Variants in ZNF320 observed in about 807,000 individuals in gnomAD.
The protein encoded by ZNF320 is zinc finger gene 320.
ZNF320 carries 2 observed loss-of-function variants against 6.8 expected under a neutral mutation model. The observed-to-expected ratio is 0.29, with a 90% CI of 0.12 to 0.93. The LOEUF (loss-of-function observed/expected upper bound fraction) is 0.93. Ranked by LOEUF, ZNF320 falls within the 40% of genes least tolerant of loss-of-function variation. ZNF320 has a pLI of 0.55. For missense variants in ZNF320, 472 were observed against 611.0 expected (o/e 0.77, Z 2.40); for synonymous variants, 208 against 203.2 (o/e 1.02, Z -0.20).
intron 5 of ZNF320, among the ~76,000 whole-genome samples, chr19:52,868,692 G>A (rs2063624689): frequency 6.6e-6 from 1 of 152,096 alleles, no homozygotes; most frequent in African/African-American, 2.4e-5. Flanking sequence ...CACCAAGAAA[G>A]TACAGAAAAC....
chr19:52,865,725 T>A (rs1187658027), intron 5 of ZNF320, among the ~76,000 whole-genome samples: 1 of 110,694 alleles, frequency 9.0e-6, no homozygotes, highest in African/African-American at 3.9e-5. Context: ...ATACACATAT[T>A]TATATATATG....
intron 5 of ZNF320, among the ~76,000 whole-genome samples, chr19:52,882,950 A>G (rs1327974413): frequency 1.3e-5 from 2 of 152,188 alleles, no homozygotes; most frequent in African/African-American, 4.8e-5. Flanking sequence ...CAAAAAAAAA[A>G]GAAAATGTTA....
intron 1 of ZNF320, among the ~76,000 whole-genome samples, chr19:52,896,915 T>C (rs28540338): frequency 0.62 from 94,803 of 152,104 alleles, 30,081 homozygotes; most frequent in African/African-American, 0.73. Context: ...GGAGTGGCCA[T>C]GGCCAAGCAC....
intron 5 of ZNF320, chr19:52,883,687 C>G (rs1273872861): frequency 6.8e-6 from 3 of 442,990 alleles, no homozygotes; most frequent in Non-Finnish European, 1.4e-5. Flanking sequence ...ATCATGAGGT[C>G]AGGAGTTTGA....
chr19:52,866,244 A>ACATATGAT (rs2063570359), intron 5 of ZNF320, among the ~76,000 whole-genome samples: 2 of 147,124 alleles, frequency 1.4e-5, no homozygotes, highest in Non-Finnish European at 1.5e-5. Context: ...ATATATATAT[A>ACATATGAT]TATAAAATCA....
upstream of ZNF320, among the ~76,000 whole-genome samples, chr19:52,899,757 G>C (rs1050561342): frequency 6.6e-6 from 1 of 152,182 alleles, no homozygotes; most frequent in Non-Finnish European, 1.5e-5. Context: ...CACCGCGCCC[G>C]GTGATAGATA....
downstream of ZNF320, among the ~76,000 whole-genome samples, chr19:52,872,776 C>G (rs1250962313): frequency 6.6e-6 from 1 of 152,186 alleles, no homozygotes; most frequent in Non-Finnish European, 1.5e-5. Flanking sequence ...GCTGGGATTA[C>G]AGGCGTGAGC....
chr19:52,868,746 T>C (rs537155340), intron 5 of ZNF320, among the ~76,000 whole-genome samples: 2 of 151,744 alleles, frequency 1.3e-5, no homozygotes, highest in African/African-American at 2.4e-5. Context: ...AATGAAATAC[T>C]ACAAGGGGGA....
intron 2 of ZNF320, among the ~76,000 whole-genome samples, chr19:52,892,776 C>T (rs374942356): frequency 3.1e-3 from 464 of 151,586 alleles, no homozygotes; most frequent in East Asian, 6.6e-3. Flanking sequence ...CACTCTCTGG[C>T]ACCCCAGATC....
rs1318330520 is a variant in ZNF320, at chr19:52,870,440, T to TGGGC, written c.223+3551_223+3552insGCCC. 1.1e-4 allele frequency among the ~76,000 whole-genome samples: 15 copies of TGGGC among 130,634 alleles called. 1 individual carries two copies. The South Asian group carries it at 1.2e-3, about 10-fold the overall frequency. The allele number at this position is 130,634 out of a possible 152,430, so 85.7% of individuals were successfully genotyped here. A position where few individuals can be genotyped will look rare whatever the true frequency, so the allele number is the denominator to read the frequency against. ...TTGCAGTGAGCCAAGATCGGGCCAC[T>TGGGC]ACACTCCAGCCTGGGCAACAGAGCC... On this transcript the variant is annotated intron_variant, in intron 5 of 5. Coordinates refer to the ZNF320 transcript ENST00000673631.
At chr19:52,902,413 GCC>G (rs1286692807), upstream of ZNF320, among the ~76,000 whole-genome samples, 2 of 152,204 alleles carry the variant, frequency 1.3e-5, no homozygotes, top group African/African-American at 4.8e-5. Flanking sequence ...GACAATCAGG[GCC>G]TCTGGCCTGC....
Position 52,881,643 on chromosome 19 carries a change from G to T in ZNF320, c.483C>A (p.Tyr161Ter). ...HRRIHTGEKPYKCEECEKVFS... is the reference protein window; with the variant it reads ...HRRIHTGEKP The stretch of plus-strand genomic sequence containing the variant: ...AAACTTTCTCACATTCTTCACATTT[G>T]TAAGGTTTCTCTCCAGTATGAATTC... The change falls in exon 6 of 6, where the codon TAC (tyrosine) becomes TAA (stop). Residue 161 changes from tyrosine (Y) to a stop codon, truncating the protein, a stop_gained. Transcript: ENST00000682928. LOFTEE classifies it low-confidence loss of function (END_TRUNC). 6.2e-7 allele frequency: 1 copy of T among 1,613,942 alleles called. No individual in the cohort carries two copies. The highest frequency in any genetic ancestry group is 8.5e-7 in the Non-Finnish European group (1 of 1,179,920).
At chr19:52,862,297 GT>G in exon 6 of ZNF320, 1 of 585,780 alleles carries the variant, frequency 1.7e-6, no homozygotes, top group Admixed American at 2.0e-5. Context: ...ATTCTAGTAT[GT>G]CCTGCAAGGT....
chr19:52,902,291 C>G (rs1458971307), upstream of ZNF320, among the ~76,000 whole-genome samples: 1 of 152,206 alleles, frequency 6.6e-6, no homozygotes, highest in Non-Finnish European at 1.5e-5. Flanking sequence ...TCCGCAGGGA[C>G]TTCGGGATAT....
At chr19:52,865,895 ATATATATGATTATACACATATATT>A (rs1248894499) in intron 5 of ZNF320, among the ~76,000 whole-genome samples, 16,526 of 87,290 alleles carry the variant, frequency 0.19, 1,378 homozygotes, top group Non-Finnish European at 0.2. Context: ...ACATATATTT[ATATATATGATTATACACATATATT>A]TATATATGAT....
At chr19:52,871,361 T>C (rs1480689919), downstream of ZNF320, among the ~76,000 whole-genome samples, 1 of 151,562 alleles carries the variant, frequency 6.6e-6, no homozygotes, top group Non-Finnish European at 1.5e-5. Context: ...CTACCAAAAA[T>C]ACAAAAAATT....
chr19:52,863,261 A>G (rs2063496643), exon 6 of ZNF320, among the ~76,000 whole-genome samples: 1 of 152,228 alleles, frequency 6.6e-6, no homozygotes, highest in Non-Finnish European at 1.5e-5. Context: ...ATAGAAATGA[A>G]TAAGTTGAAA....
chr19:52,882,947 AAAAG>A (rs1354194011), intron 5 of ZNF320, among the ~76,000 whole-genome samples: 4 of 152,186 alleles, frequency 2.6e-5, no homozygotes, highest in Non-Finnish European at 5.9e-5. Flanking sequence ...TCTCAAAAAA[AAAAG>A]AAAATGTTAA....
At chr19:52,885,459 G>A (rs2064046279) in intron 5 of ZNF320, among the ~76,000 whole-genome samples, 1 of 151,948 alleles carries the variant, frequency 6.6e-6, no homozygotes, top group Non-Finnish European at 1.5e-5. Context: ...GCTCATGCCT[G>A]TAATCCCAGC....
Sources: allele counts gnomAD v4.1 joint callset (sites outside exome capture counted in the v4.1 genomes callset), GRCh38; gene constraint gnomAD v4.1.1; transcripts MANE v1.5; gene names NCBI Gene and HGNC (gene_info 2026-07-23, HGNC 2026-07-21).